Variants in ARHGEF18 observed in about 807,000 individuals in gnomAD.
ARHGEF18 encodes Rho/Rac guanine nucleotide exchange factor 18.
In ARHGEF18, 93 loss-of-function variants were observed where a neutral mutation model predicts 155.7. The ratio of observed to expected loss-of-function variants is 0.60; its 90% CI spans 0.50 to 0.71. ARHGEF18 has a LOEUF of 0.71. Ranked by LOEUF, ARHGEF18 falls within the 30% of genes least tolerant of loss-of-function variation. ARHGEF18 has a pLI of 0.00. For synonymous variants in ARHGEF18, 742 were observed against 753.1 expected (o/e 0.99, Z 0.24); for missense variants, 1,593 against 1,816.1 (o/e 0.88, Z 2.23).
chr19:7,361,084 C>A (rs748362158), intron 1 of ARHGEF18, among the ~76,000 whole-genome samples: 1 of 152,212 alleles, frequency 6.6e-6, no homozygotes, highest in African/African-American at 2.4e-5. Flanking sequence ...CAACAAAAAA[C>A]TTTTTAGGAA....
chr19:7,466,968 G>A lies in ARHGEF18; in HGVS notation c.2955G>A (p.Glu985=). ...ESDPRLPTVL[E]SELVQRIQTL... ...ATCCCCGTCTGCCCACCGTCCTGGA[G>A]TCGGAGGTAGGCGCCCGCGGGTCTC... Residue 985 remains glutamate, a synonymous_variant, in exon 24 of 29, where the codon GAG becomes GAA. Coordinates refer to ENST00000668164, the MANE Select transcript of ARHGEF18 (RefSeq NM_001367823.1). 1 of 1,613,394 alleles carries A rather than the reference G, an allele frequency of 6.2e-7. No individual in the cohort carries two copies. The highest frequency in any genetic ancestry group is 8.5e-7 in the Non-Finnish European group (1 of 1,180,020).
chr19:7,363,863 AAAAGGAAG>A (rs1464889398), intron 2 of ARHGEF18, among the ~76,000 whole-genome samples: 1 of 146,478 alleles, frequency 6.8e-6, no homozygotes, highest in African/African-American at 2.5e-5. Context: ...AAGGAAGGAA[AAAAGGAAG>A]AAAGGAAGGA....
At chr19:7,439,518 C>T (rs8110645) in intron 10 of ARHGEF18, among the ~76,000 whole-genome samples, 61,607 of 151,846 alleles carry the variant, frequency 0.41, 13,226 homozygotes, top group East Asian at 0.59. Flanking sequence ...AGCGGGCACA[C>T]GTATCCTATG....
intron 10 of ARHGEF18, among the ~76,000 whole-genome samples, chr19:7,415,611 T>C (rs908923665): frequency 3.3e-5 from 5 of 151,960 alleles, no homozygotes; most frequent in Admixed American, 1.3e-4. Flanking sequence ...CACCCTGCCC[T>C]TTCCTTTCTC....
intron 2 of ARHGEF18, among the ~76,000 whole-genome samples, chr19:7,369,607 G>C (rs141979726): frequency 0.013 from 2,013 of 152,064 alleles, 37 homozygotes; most frequent in African/African-American, 0.046. Flanking sequence ...GAGCAGCCTG[G>C]CCAAGATGGT....
Position 7,470,199 on chromosome 19 carries a change from C to T in ARHGEF18, c.3987C>T (p.Gly1329=), listed in dbSNP as rs374213235. The T allele has an allele frequency of 3.5e-5, 57 of 1,611,438 alleles. No homozygotes were observed. Among genetic ancestry groups the T allele is most frequent in the Non-Finnish European group, 4.5e-5 (53 of 1,179,402 alleles). Residue 1329 remains glycine, a synonymous_variant, in exon 29 of 29, where the codon GGC becomes GGT. Transcript: ENST00000668164. This position sits in a 1 kb window ranked among gnomAD's most constrained non-coding sequence, Gnocchi z 5.9. ...PSEGFSLKAG[G]TALLPGPPAP... ...AGGGCTTCTCTCTCAAGGCCGGGGG[C>T]ACAGCCCTCCTGCCCGGGCCCCCAG...
chr19:7,397,343 A>G (rs1236450942), intron 10 of ARHGEF18, among the ~76,000 whole-genome samples: 1 of 151,888 alleles, frequency 6.6e-6, no homozygotes, highest in African/African-American at 2.4e-5. Flanking sequence ...ATAGCTCACT[A>G]CAGCCTCGAA....
intron 10 of ARHGEF18, among the ~76,000 whole-genome samples, chr19:7,385,835 C>CTCTCTA (rs1356607389): frequency 6.7e-5 from 3 of 44,592 alleles, no homozygotes; most frequent in African/African-American, 2.5e-4. Context: ...CTCTCTCTAT[C>CTCTCTA]TCTCTCTCTC....
At chr19:7,416,000 C>G (rs1289954832) in intron 10 of ARHGEF18, among the ~76,000 whole-genome samples, 1 of 152,172 alleles carries the variant, frequency 6.6e-6, no homozygotes, top group East Asian at 1.9e-4. Flanking sequence ...GACACTCCAC[C>G]TTCTCGTTCA....
At chr19:7,406,890 TAAAAAAAAAC>T (rs1449448921) in intron 10 of ARHGEF18, among the ~76,000 whole-genome samples, 3 of 145,492 alleles carry the variant, frequency 2.1e-5, no homozygotes, top group Admixed American at 6.9e-5. Flanking sequence ...CCGTCTCTAC[TAAAAAAAAAC>T]AAAAAAAAAC....
intron 2 of ARHGEF18, 102 bp from the exon 3 acceptor site, chr19:7,372,710 G>C: frequency 2.6e-6 from 3 of 1,150,338 alleles, no homozygotes; most frequent in Non-Finnish European, 3.3e-6. Flanking sequence ...GGACAGGCAG[G>C]GTCTGGATGT....
intron 10 of ARHGEF18, among the ~76,000 whole-genome samples, chr19:7,385,091 T>C (rs1233516724): frequency 6.6e-6 from 1 of 152,212 alleles, no homozygotes; most frequent in Non-Finnish European, 1.5e-5. Context: ...CCTTGTTCTC[T>C]TCTGCAGGGG....
chr19:7,469,442 C>T (rs565639668), intron 27 of ARHGEF18, among the ~76,000 whole-genome samples: 2 of 152,286 alleles, frequency 1.3e-5, no homozygotes, highest in African/African-American at 4.8e-5. Flanking sequence ...TCAGCACAGC[C>T]GGGACAGGGA....
intron 1 of ARHGEF18, among the ~76,000 whole-genome samples, chr19:7,354,821 G>A (rs995652480): frequency 4.6e-5 from 7 of 152,060 alleles, no homozygotes; most frequent in African/African-American, 1.7e-4. Flanking sequence ...GATCCCTTGA[G>A]ACCGGGAGTT....
At chr19:7,353,692 C>G (rs1193618822) in intron 1 of ARHGEF18, among the ~76,000 whole-genome samples, 1 of 151,204 alleles carries the variant, frequency 6.6e-6, no homozygotes, top group Non-Finnish European at 1.5e-5. Context: ...GTGGCTCACA[C>G]CTGTAATCCC....
In ARHGEF18 at chr19:7,467,375, G is replaced by A. The variant is rs755001622; in HGVS notation, c.3171G>A (p.Glu1057=). ...EKQREERAAL[E]KLQSQLRHEQ... is the part of the protein sequence containing the mutation. ...AGCGGGAGGAGCGCGCGGCCCTGGA[G>A]AAGCTGCAGAGCCAGCTGCGGCACG... The change falls in exon 26 of 29, where the codon GAG becomes GAA. Residue 1057 remains glutamate, a synonymous_variant. Transcript: ENST00000668164. 1.3e-6 allele frequency: 2 copies of A among 1,533,890 alleles called. No homozygotes were observed. The highest frequency in any genetic ancestry group is 2.0e-5 in the Admixed American group (1 of 50,956).
chr19:7,466,153 G>T (rs1475238123), intron 23 of ARHGEF18, among the ~76,000 whole-genome samples: 4 of 151,768 alleles, frequency 2.6e-5, no homozygotes, highest in Non-Finnish European at 5.9e-5. Context: ...GGAAGCCAAG[G>T]CAGGTGGATC....
chr19:7,467,577 G>C lies in ARHGEF18; in HGVS notation c.3373G>C (p.Glu1125Gln). Residue 1125 changes from glutamate to glutamine, a missense_variant, in exon 26 of 29, where the codon GAG becomes CAG. Physicochemically the swap from Glu to Gln is conservative, Grantham distance 29. Transcript: ENST00000668164. Reference protein sequence around the residue: ...AYQHDLERLREAQRAVERERE... With the variant: ...AYQHDLERLRQAQRAVERERE... ...CCAGCACGACCTGGAGCGGCTGCGC[G>C]AGGCCCAGCGTGCCGTGGAGCGCGA... The C allele has an allele frequency of 1.3e-6, 2 of 1,499,828 alleles. No individual in the cohort carries two copies. Among genetic ancestry groups the C allele is most frequent in the South Asian group, 1.2e-5 (1 of 80,292 alleles). 92.9% of individuals were successfully genotyped at this position (1,499,828 alleles called of 1,614,324 possible).
chr19:7,443,160 A>C (rs1974777565), intron 13 of ARHGEF18, among the ~76,000 whole-genome samples: 1 of 147,636 alleles, frequency 6.8e-6, no homozygotes, highest in South Asian at 2.1e-4. Flanking sequence ...GGGTTCAAGC[A>C]ATTCTCCTGC....
Sources: gnomAD v4.1 joint callset for allele counts (sites outside exome capture counted in the v4.1 genomes callset) on GRCh38, gnomAD v4.1.1 for gene constraint, Gnocchi (gnomAD v3.1) non-coding constraint, MANE v1.5 for transcripts, NCBI Gene and HGNC (gene_info 2026-07-23, HGNC 2026-07-21) for gene names.